The following LRRC7 variants were observed in gnomAD, a reference collection of about 807,000 sequenced individuals.
The protein encoded by LRRC7 is leucine rich repeat containing 7.
Under a neutral mutation model 175.7 loss-of-function variants are expected in LRRC7, and 23 were observed. The ratio of observed to expected loss-of-function variants is 0.13; its 90% CI spans 0.09 to 0.19. The LOEUF is 0.19. Ranked by LOEUF, LRRC7 falls within the 10% of genes least tolerant of loss-of-function variation. LRRC7 has a pLI of 1.00. For missense variants in LRRC7, 1,354 were observed against 1,904.7 expected, an observed-to-expected ratio of 0.71 and a Z score of 5.38; for synonymous variants, 685 against 680.9, an observed-to-expected ratio of 1.01 and a Z score of -0.09.
At chr1:70,031,692 A>G (rs1331761022) in intron 18 of LRRC7, among the ~76,000 whole-genome samples, 2 of 152,198 alleles carry the variant, frequency 1.3e-5, no homozygotes, top group Non-Finnish European at 2.9e-5. Context: ...GAATCATAGT[A>G]GACACCACAA....
intron 8 of LRRC7, among the ~76,000 whole-genome samples, chr1:69,942,716 C>G (rs1648857761): frequency 6.6e-6 from 1 of 152,098 alleles, no homozygotes; most frequent in South Asian, 2.1e-4. Context: ...TGTAATTACA[C>G]TGGGCCCCCT....
At chr1:70,027,832 T>G (rs1006299961) in intron 17 of LRRC7, among the ~76,000 whole-genome samples, 1 of 152,194 alleles carries the variant, frequency 6.6e-6, no homozygotes, top group Non-Finnish European at 1.5e-5. Flanking sequence ...GAACAGTGTC[T>G]AAAGTAAGAA....
At chr1:69,725,513 G>C (rs1411039082) in intron 2 of LRRC7, among the ~76,000 whole-genome samples, 1 of 152,182 alleles carries the variant, frequency 6.6e-6, no homozygotes, top group Non-Finnish European at 1.5e-5. Flanking sequence ...TTACAGGTTA[G>C]AGGTGGCATT....
chr1:70,028,312 A>G lies in LRRC7; in HGVS notation c.1936A>G (p.Thr646Ala), dbSNP rs1658341704. 1 of 1,613,668 alleles carries G rather than the reference A, an allele frequency of 6.2e-7. No individual in the cohort carries two copies. Among genetic ancestry groups the G allele is most frequent in the Admixed American group, 1.7e-5 (1 of 59,968 alleles). The change falls in exon 18 of 27, where the codon ACT becomes GCT. Residue 646 changes from threonine to alanine, a missense_variant. Thr to Ala is a moderately conservative substitution (Grantham distance 58, BLOSUM62 0). Coordinates refer to ENST00000651989, the MANE Select transcript of LRRC7 (RefSeq NM_001370785.2). The part of the protein sequence containing the change: ...NSNPTANTEQ[T>A]VKEKYEHKWP... Reference sequence around the variant, plus strand: ...AAATCCAACTGCTAACACGGAGCAAACTGTGAAAGAAAAATATGAACACAA... The same window carrying G: ...AAATCCAACTGCTAACACGGAGCAAGCTGTGAAAGAAAAATATGAACACAA...
At chr1:70,093,196 C>G (rs778395401) in intron 25 of LRRC7, among the ~76,000 whole-genome samples, 1 of 152,046 alleles carries the variant, frequency 6.6e-6, no homozygotes, top group Non-Finnish European at 1.5e-5. Flanking sequence ...GTCAAATTGT[C>G]AAGATACTGC....
intron 25 of LRRC7, among the ~76,000 whole-genome samples, chr1:70,106,968 AATT>A (rs1665189195): frequency 4.6e-5 from 7 of 152,210 alleles, no homozygotes; most frequent in Admixed American, 4.6e-4. Context: ...CAATGTTTAT[AATT>A]ATTGGTTTTC....
chr1:69,617,856 G>C (rs972131871), intron 1 of LRRC7, among the ~76,000 whole-genome samples: 1 of 152,124 alleles, frequency 6.6e-6, no homozygotes, highest in African/African-American at 2.4e-5. Context: ...TCCTTATGGA[G>C]AACTGGCAGA....
At chr1:69,607,897 G>A (rs1433947910) in intron 1 of LRRC7, 4 of 152,168 alleles carry the variant, frequency 2.6e-5, no homozygotes, top group African/African-American at 7.2e-5. Flanking sequence ...TTCCTGAAGA[G>A]GAACTTGTAT....
At chr1:70,046,017 A>G (rs1245278590) in intron 22 of LRRC7, among the ~76,000 whole-genome samples, 1 of 152,140 alleles carries the variant, frequency 6.6e-6, no homozygotes, top group East Asian at 1.9e-4. Context: ...AAACCTTTAA[A>G]CTAAAAAAAT....
At chr1:69,795,130 C>G (rs1675573959) in intron 4 of LRRC7, among the ~76,000 whole-genome samples, 1 of 152,134 alleles carries the variant, frequency 6.6e-6, no homozygotes, top group Admixed American at 6.5e-5. Context: ...GCCTGTAATC[C>G]CAGCACTTTG....
intron 7 of LRRC7, among the ~76,000 whole-genome samples, chr1:69,910,714 A>G (rs763110223): frequency 2.0e-5 from 3 of 151,804 alleles, no homozygotes; most frequent in African/African-American, 2.4e-5. Context: ...GAGAACCACT[A>G]CTCTCTTCAA....
Position 69,805,357 on chromosome 1 carries a change from C to T in LRRC7, c.421+13197C>T, listed in dbSNP as rs1489478396. Among the ~76,000 whole-genome samples the T allele has an allele frequency of 2.6e-5, 4 of 151,724 alleles. 1 individual carries two copies. Among genetic ancestry groups the T allele is most frequent in the Non-Finnish European group, 5.9e-5 (4 of 67,820 alleles). On this transcript the variant is annotated intron_variant, in intron 4 of 26. Coordinates refer to ENST00000651989, the MANE Select transcript of LRRC7 (RefSeq NM_001370785.2). ...ACATCTGAGCACATTACTCTTGAGA[C>T]TCTAGTAGTGTATACATTATAAATT...
rs1256787934 is a variant in LRRC7 at position 69,570,660 on chromosome 1, T to A, written c.2+2019T>A. ...GGACTCTAAGGGAACTACCACGAGG[T>A]GTTTTTTGTTTGTTTGTTGTTTTTT... On this transcript the variant is annotated intron_variant, in intron 1 of 26. Transcript: ENST00000651989. Among the ~76,000 whole-genome samples the A allele has an allele frequency of 4.0e-5, 6 of 149,446 alleles. No individual in the cohort carries two copies. In the East Asian group the frequency reaches 9.7e-4, roughly 24 times the overall value.
At chr1:69,568,713 A>T in intron 1 of LRRC7, 72 bp downstream of exon 1, 58 of 1,028,652 alleles carry the variant, frequency 5.6e-5, no homozygotes, top group Non-Finnish European at 7.1e-5. Context: ...TAGGCGCGCG[A>T]GGTGTGGGAC....
intron 3 of LRRC7, among the ~76,000 whole-genome samples, chr1:69,778,951 C>A (rs558059058): frequency 7.2e-6 from 1 of 139,578 alleles, no homozygotes; most frequent in African/African-American, 3.0e-5. Flanking sequence ...CATATATACA[C>A]ACACACAAAC....
chr1:69,767,821 G>A (rs2100973505), intron 3 of LRRC7, among the ~76,000 whole-genome samples: 1 of 152,226 alleles, frequency 6.6e-6, no homozygotes, highest in Middle Eastern at 3.4e-3. Context: ...AAAGTATGCA[G>A]TGAAAATGAA....
intron 2 of LRRC7, among the ~76,000 whole-genome samples, chr1:69,725,717 C>A (rs1459343613): frequency 6.6e-6 from 1 of 152,160 alleles, no homozygotes. Context: ...AAGAAGGGAA[C>A]TTGTCAAACC....
intron 25 of LRRC7, among the ~76,000 whole-genome samples, chr1:70,097,252 C>T (rs1009202258): frequency 6.6e-6 from 1 of 152,092 alleles, no homozygotes; most frequent in Admixed American, 6.6e-5. Context: ...TGGCACTTGC[C>T]CCCAGCCTTT....
At chr1:69,919,748 T>C (rs1243862623) in intron 7 of LRRC7, 1 of 979,950 alleles carries the variant, frequency 1.0e-6, no homozygotes, top group African/African-American at 1.6e-5. Context: ...GCAGAAGCCA[T>C]TTGAAGACCC....
Sources: allele counts gnomAD v4.1 joint callset (sites outside exome capture counted in the v4.1 genomes callset), GRCh38; gene constraint gnomAD v4.1.1; transcripts MANE v1.5; gene names NCBI Gene and HGNC (gene_info 2026-07-23, HGNC 2026-07-21).